IMMP2L: variants seen among roughly 807,000 people sequenced by gnomAD.
IMMP2L encodes inner mitochondrial membrane peptidase subunit 2.
A neutral mutation model predicts 19.3 loss-of-function variants in IMMP2L; 18 were observed. The ratio of observed to expected loss-of-function variants is 0.93; its 90% CI spans 0.64 to 1.38. The LOEUF (loss-of-function observed/expected upper bound fraction) is 1.38, where lower values mean the gene tolerates loss of function less well. Among genes scored for constraint, IMMP2L ranks in the 40% most tolerant of loss-of-function variants. The probability of loss-of-function intolerance (pLI) is 0.00; values close to 1 mark genes in which losing one functional copy is unlikely to be tolerated. For missense variants in IMMP2L, 233 were observed against 218.2 expected (o/e 1.07, Z -0.43); for synonymous variants, 76 against 73.0 (o/e 1.04, Z -0.21).
chr7:111,493,751 T>TA (rs1843325278), intron 2 of IMMP2L, among the ~76,000 whole-genome samples: 1 of 140,636 alleles, frequency 7.1e-6, no homozygotes, highest in Non-Finnish European at 1.5e-5. Context: ...TTCACGCCTG[T>TA]AATCCCAGCA....
At chr7:111,033,320 G>C (rs12665929) in intron 3 of IMMP2L, among the ~76,000 whole-genome samples, 31,064 of 151,982 alleles carry the variant, frequency 0.2, 4,105 homozygotes, top group African/African-American at 0.38. Context: ...ACTGACTACA[G>C]CAAATGCTGA....
intron 5 of IMMP2L, among the ~76,000 whole-genome samples, chr7:110,788,710 C>T (rs140141139): frequency 9.9e-5 from 15 of 151,646 alleles, no homozygotes; most frequent in Non-Finnish European, 4.4e-5. Context: ...CGCTCCGATG[C>T]ACACCTGCTA....
At chr7:111,532,857 G>A (rs1276924956) in intron 1 of IMMP2L, among the ~76,000 whole-genome samples, 1 of 152,140 alleles carries the variant, frequency 6.6e-6, no homozygotes, top group African/African-American at 2.4e-5. Flanking sequence ...AGTCCATGGG[G>A]AGTTCAAACA....
intron 3 of IMMP2L, among the ~76,000 whole-genome samples, chr7:111,314,284 T>C (rs527498928): frequency 6.6e-6 from 1 of 152,104 alleles, no homozygotes; most frequent in Non-Finnish European, 1.5e-5. Context: ...ACAGCATGTA[T>C]GGAGGCATAC....
At chr7:111,441,784 A>T (rs956973139) in intron 3 of IMMP2L, among the ~76,000 whole-genome samples, 5 of 151,618 alleles carry the variant, frequency 3.3e-5, no homozygotes, top group Admixed American at 2.0e-4. Context: ...ACAATTTTTT[A>T]AAAAAGTGTT....
At chr7:111,148,118 T>G (rs1407484045) in intron 3 of IMMP2L, among the ~76,000 whole-genome samples, 1 of 152,080 alleles carries the variant, frequency 6.6e-6, no homozygotes, top group Non-Finnish European at 1.5e-5. Flanking sequence ...GTTTTCATCA[T>G]CTGTTGAATG....
intron 4 of IMMP2L, among the ~76,000 whole-genome samples, chr7:110,934,458 T>A (rs1266324262): frequency 1.3e-5 from 2 of 152,146 alleles, no homozygotes; most frequent in African/African-American, 4.8e-5. Context: ...TTCTCTCAAA[T>A]CTTACTCCAT....
At chr7:111,480,403 C>T (rs1842078276) in intron 3 of IMMP2L, among the ~76,000 whole-genome samples, 2 of 151,784 alleles carry the variant, frequency 1.3e-5, no homozygotes, top group South Asian at 2.1e-4. Context: ...TTTTGTATGG[C>T]TATGAACAGC....
intron 3 of IMMP2L, among the ~76,000 whole-genome samples, chr7:111,241,901 C>A (rs1048503109): frequency 6.6e-6 from 1 of 151,798 alleles, no homozygotes; most frequent in Non-Finnish European, 1.5e-5. Context: ...GGTATTGCTA[C>A]GGTATTTGCA....
intron 3 of IMMP2L, among the ~76,000 whole-genome samples, chr7:111,057,509 T>C (rs1286045602): frequency 6.6e-6 from 1 of 152,236 alleles, no homozygotes; most frequent in Non-Finnish European, 1.5e-5. Context: ...CCTTGGTTAA[T>C]ATGCCATGGG....
At chr7:111,409,042 G>T (rs1272557676) in intron 3 of IMMP2L, among the ~76,000 whole-genome samples, 1 of 151,666 alleles carries the variant, frequency 6.6e-6, no homozygotes, top group Admixed American at 6.6e-5. Context: ...GTTGCTAAGT[G>T]CTGACAAGCT....
chr7:110,855,223 A>T (rs1364548221), intron 5 of IMMP2L, among the ~76,000 whole-genome samples: 1 of 151,986 alleles, frequency 6.6e-6, no homozygotes, highest in Non-Finnish European at 1.5e-5. Flanking sequence ...CTGCTAACAG[A>T]AAAAAACAAT....
chr7:111,554,842 G>A (rs1791080544), intron 1 of IMMP2L, among the ~76,000 whole-genome samples: 2 of 151,988 alleles, frequency 1.3e-5, no homozygotes, highest in African/African-American at 4.8e-5. Context: ...TCGAACTCCT[G>A]ACCTCTGGTG....
chr7:110,703,800 T>C (rs1584552899), intron 5 of IMMP2L, among the ~76,000 whole-genome samples: 1 of 152,152 alleles, frequency 6.6e-6, no homozygotes, highest in Admixed American at 6.6e-5. Context: ...TCTTACGGAA[T>C]TGTAATCATG....
At chr7:110,666,448 G>A (rs553408280) in intron 5 of IMMP2L, among the ~76,000 whole-genome samples, 27 of 152,048 alleles carry the variant, frequency 1.8e-4, no homozygotes, top group Admixed American at 1.4e-3. Context: ...CTAATTTTTT[G>A]TATTTTTAGT....
chr7:111,158,853 C>G (rs1804937117), intron 3 of IMMP2L, among the ~76,000 whole-genome samples: 3 of 152,032 alleles, frequency 2.0e-5, no homozygotes, highest in Admixed American at 2.0e-4. Context: ...AACTGGAAAT[C>G]AAGGACTAGT....
chr7:111,031,381 G>GGGGT (rs1554496354), intron 3 of IMMP2L, among the ~76,000 whole-genome samples: 3 of 72,592 alleles, frequency 4.1e-5, no homozygotes, highest in South Asian at 3.1e-4. Flanking sequence ...GGGGTGTAGG[G>GGGGT]GTGTGTGTGT....
rs556207891 is a variant in IMMP2L at position 111,446,342 on chromosome 7, G to C, written c.239+40896C>G. On this transcript the variant is annotated intron_variant, in intron 3 of 5. Coordinates refer to ENST00000405709, the MANE Select transcript of IMMP2L (RefSeq NM_032549.4). ...TTTGAAGAGAGCAGTGGTTCTCCCA[G>C]CACACAGCTGGAGATCTGAGAACAG... Among the ~76,000 whole-genome samples, 45 of 142,716 alleles carry C rather than the reference G, an allele frequency of 3.2e-4. 2 individuals are homozygous for C. The highest frequency in any genetic ancestry group is 1.1e-3 in the African/African-American group (39 of 34,618). 93.6% of individuals were successfully genotyped at this position (142,716 alleles called of 152,430 possible).
At chr7:111,553,902 CA>C (rs1790956193) in intron 1 of IMMP2L, among the ~76,000 whole-genome samples, 1 of 152,170 alleles carries the variant, frequency 6.6e-6, no homozygotes, top group Non-Finnish European at 1.5e-5. Flanking sequence ...TTCCTTCACA[CA>C]AATCTCCTCT....
Sources: allele counts gnomAD v4.1 joint callset (sites outside exome capture counted in the v4.1 genomes callset), GRCh38; gene constraint gnomAD v4.1.1; transcripts MANE v1.5; gene names NCBI Gene and HGNC (gene_info 2026-07-23, HGNC 2026-07-21).